Variants in PDE6C observed in about 807,000 individuals in gnomAD.
The protein encoded by PDE6C is cone cGMP-specific 3',5'-cyclic phosphodiesterase subunit alpha'.
A neutral mutation model predicts 113.1 loss-of-function variants in PDE6C; 75 were observed. The observed-to-expected ratio is 0.66, with a 90% CI of 0.55 to 0.80. PDE6C has a LOEUF of 0.80. Ranked by LOEUF, PDE6C falls within the 30% of genes least tolerant of loss-of-function variation. The pLI, the probability that PDE6C is intolerant of heterozygous loss-of-function variation, is 0.00. For synonymous variants in PDE6C, 375 were observed against 363.7 expected (o/e 1.03, Z -0.35); for missense variants, 912 against 1,038.6 (o/e 0.88, Z 1.67).
chr10:93,640,340 A>G, intron 12 of PDE6C, 110 bp from the exon 13 acceptor site: 1 of 1,243,980 alleles, frequency 8.0e-7, no homozygotes, highest in Non-Finnish European at 1.2e-6. Flanking sequence ...TAAATACATC[A>G]GCTTAACCCC....
At chr10:93,613,313 G>A (rs182088410) in intron 1 of PDE6C, 108 bp downstream of exon 1, 104 of 1,464,212 alleles carry the variant, frequency 7.1e-5, no homozygotes, top group Non-Finnish European at 9.6e-5. Flanking sequence ...CAATAACCGG[G>A]GGAATGTGGG....
intron 10 of PDE6C, 132 bp from the exon 11 acceptor site, chr10:93,636,863 G>A (rs1450869454): frequency 1.7e-5 from 11 of 663,896 alleles, no homozygotes; most frequent in South Asian, 1.3e-4. Flanking sequence ...CAACTCCTGG[G>A]CTCCAGGGAT....
Position 93,634,740 on chromosome 10 carries a change from G to T in PDE6C, c.1120-18G>T, listed in dbSNP as rs1564799669. 1.2e-6 allele frequency: 2 copies of T among 1,613,834 alleles called. No homozygotes were observed. Among genetic ancestry groups the T allele is most frequent in the South Asian group, 1.1e-5 (1 of 91,066 alleles). ...TAAAAAGGCAAAAAAATAACTTGAGGTCCCTTCTCGTTTGTAGAAAGGACC... is the reference window on the plus strand; with the variant it reads ...TAAAAAGGCAAAAAAATAACTTGAGTTCCCTTCTCGTTTGTAGAAAGGACC... On this transcript the variant is annotated intron_variant, in intron 8 of 21. Transcript: ENST00000371447.
chr10:93,650,344 T>C (rs1342561619), intron 15 of PDE6C, among the ~76,000 whole-genome samples: 1 of 152,166 alleles, frequency 6.6e-6, no homozygotes, highest in African/African-American at 2.4e-5. Context: ...CCTCCTGGGC[T>C]CAAGCAAACC....
At chr10:93,624,285 G>A (rs773973259) in intron 4 of PDE6C, among the ~76,000 whole-genome samples, 8 of 151,746 alleles carry the variant, frequency 5.3e-5, no homozygotes, top group Non-Finnish European at 1.0e-4. Context: ...GTCTTGGTCT[G>A]TCACCAGGCT....
intron 18 of PDE6C, among the ~76,000 whole-genome samples, chr10:93,660,256 T>G (rs1181518686): frequency 1.3e-5 from 2 of 152,222 alleles, no homozygotes; most frequent in African/African-American, 4.8e-5. Flanking sequence ...TTGTTTTACA[T>G]GTAATACAGG....
chr10:93,662,675 T>C (rs756246334), intron 20 of PDE6C, 32 bp downstream of exon 20: 3 of 1,002,426 alleles, frequency 3.0e-6, no homozygotes, highest in Middle Eastern at 2.1e-4. Context: ...ATTAAATACA[T>C]AAACATTTGG....
At chr10:93,634,310 G>A (rs1168604839) in intron 8 of PDE6C, among the ~76,000 whole-genome samples, 1 of 152,190 alleles carries the variant, frequency 6.6e-6, no homozygotes, top group Non-Finnish European at 1.5e-5. Context: ...ACTGTGCCCA[G>A]CCTTTTTCTT....
At chr10:93,622,652 T>TTTTTTTTTTTTTTTTTTTTTTTA (rs2058453408) in intron 4 of PDE6C, among the ~76,000 whole-genome samples, 1 of 43,654 alleles carries the variant, frequency 2.3e-5, no homozygotes, top group African/African-American at 6.1e-5. Flanking sequence ...TTTTTTTTGT[T>TTTTTTTTTTTTTTTTTTTTTTTA]TTTTTTTTTG....
rs1323321727 is a variant in PDE6C at position 93,635,589 on chromosome 10, A to T, written c.1362A>T (p.Glu454Asp). Residue 454 changes from glutamate (E) to aspartate (D), a missense_variant, in exon 10 of 22, where the codon GAA becomes GAT. Glu to Asp is a conservative substitution (Grantham distance 45, BLOSUM62 2). Transcript: ENST00000371447. ...KLENRKDIAQ[E>D]MLMNQTKATP... is the part of the protein sequence containing the mutation. ...AAAACAGAAAGGACATTGCTCAGGA[A>T]ATGCTCATGAACCAAACCAAAGCCA... The T allele has an allele frequency of 6.2e-7, 1 of 1,614,016 alleles. No individual in the cohort carries two copies. Among genetic ancestry groups the T allele is most frequent in the Admixed American group, 1.7e-5 (1 of 60,018 alleles).
chr10:93,662,547 T>C lies in PDE6C; in HGVS notation c.2284-13T>C. 7 of 1,248,072 alleles carry C rather than the reference T, an allele frequency of 5.6e-6. No homozygotes were observed. The highest frequency in any genetic ancestry group is 8.3e-6 in the Non-Finnish European group (7 of 846,044). The allele number at this position is 1,248,072 out of a possible 1,614,324, so 77.3% of individuals were successfully genotyped here. A position where few individuals can be genotyped will look rare whatever the true frequency, so the allele number is the denominator to read the frequency against. On this transcript the variant is annotated splice_polypyrimidine_tract_variant and intron_variant, in intron 19 of 21. Coordinates refer to ENST00000371447, the MANE Select transcript of PDE6C (RefSeq NM_006204.4). ...TTAGAAACCTGTCTTAAAGGATTTATTTCTCTTTCTAGCCTATGATGGACA... is the reference window on the plus strand; with the variant it reads ...TTAGAAACCTGTCTTAAAGGATTTACTTCTCTTTCTAGCCTATGATGGACA...
At chr10:93,657,446 A>T (rs561426625) in intron 16 of PDE6C, among the ~76,000 whole-genome samples, 2 of 149,718 alleles carry the variant, frequency 1.3e-5, no homozygotes, top group Non-Finnish European at 3.0e-5. Context: ...GGCCTCCCAA[A>T]ATGCTGGGAT....
chr10:93,624,410 G>A (rs866677828), intron 4 of PDE6C, among the ~76,000 whole-genome samples: 1 of 152,036 alleles, frequency 6.6e-6, no homozygotes, highest in South Asian at 2.1e-4. Context: ...ACTGATTTTC[G>A]GTATTTTAGT....
rs763583394 is a variant in PDE6C at position 93,635,622 on chromosome 10, A to G, written c.1395A>G (p.Glu465=). The stretch of plus-strand genomic sequence containing the variant: ...TGAACCAAACCAAAGCCACTCCTGA[A>G]GAAATTAAGTCCATTTTGGTAAGTG... The part of the protein sequence containing the change: ...MLMNQTKATP[E]EIKSILKFQE... The change falls in exon 10 of 22, where the codon GAA becomes GAG. Residue 465 remains glutamate (E), a synonymous_variant. Transcript: ENST00000371447. 1 of 1,614,012 alleles carries G rather than the reference A, an allele frequency of 6.2e-7. No individual in the cohort carries two copies. Among genetic ancestry groups the G allele is most frequent in the Non-Finnish European group, 8.5e-7 (1 of 1,179,860 alleles).
Position 93,622,655 on chromosome 10 carries a change from TTTTTTTGTTG to T in PDE6C, c.864+590_864+599del, listed in dbSNP as rs1330755682. Among the ~76,000 whole-genome samples, 328 of 72,776 alleles carry T rather than the reference TTTTTTTGTTG, an allele frequency of 4.5e-3. 11 individuals are homozygous for T. The highest frequency in any genetic ancestry group is 9.6e-3 in the African/African-American group (181 of 18,858). 47.7% of individuals were successfully genotyped at this position (72,776 alleles called of 152,430 possible). On this transcript the variant is annotated intron_variant, in intron 4 of 21. Coordinates refer to ENST00000371447, the MANE Select transcript of PDE6C (RefSeq NM_006204.4). ...TAGCCACAGGTTTTTTTTTTGTTTT[TTTTTTTGTTG>T]TTTTTTTTTTTTTGCTGTTTCTATA...
intron 15 of PDE6C, among the ~76,000 whole-genome samples, chr10:93,654,158 T>C (rs1352792706): frequency 1.3e-5 from 2 of 152,248 alleles, no homozygotes; most frequent in Admixed American, 6.5e-5. Flanking sequence ...ATTCCACAGA[T>C]ATTAATTGAG....
At chr10:93,658,465 T>G (rs1421674295) in intron 16 of PDE6C, among the ~76,000 whole-genome samples, 1 of 152,074 alleles carries the variant, frequency 6.6e-6, no homozygotes, top group Non-Finnish European at 1.5e-5. Flanking sequence ...TTTTCTCATA[T>G]GTAATTTTGT....
At chr10:93,631,055 C>A (rs1463315613) in intron 8 of PDE6C, among the ~76,000 whole-genome samples, 3 of 152,226 alleles carry the variant, frequency 2.0e-5, no homozygotes, top group African/African-American at 7.2e-5. Flanking sequence ...CAGGAGAATG[C>A]AGGCTGCTCT....
chr10:93,616,590 T>C (rs1442543196), intron 1 of PDE6C, among the ~76,000 whole-genome samples: 1 of 151,592 alleles, frequency 6.6e-6, no homozygotes, highest in African/African-American at 2.4e-5. Context: ...GAGCTGGATA[T>C]GGTTGGCCAA....
Sources: gnomAD v4.1 joint callset for allele counts (sites outside exome capture counted in the v4.1 genomes callset) on GRCh38, gnomAD v4.1.1 for gene constraint, MANE v1.5 for transcripts, NCBI Gene and HGNC (gene_info 2026-07-23, HGNC 2026-07-21) for gene names.